PTPN2: variants seen among roughly 807,000 people sequenced by gnomAD.
PTPN2 encodes tyrosine-protein phosphatase non-receptor type 2.
In PTPN2, 19 loss-of-function variants were observed where a neutral mutation model predicts 57.3. That is an observed-to-expected ratio of 0.33 (90% CI 0.23 to 0.49). The LOEUF is 0.49. Ranked by LOEUF, PTPN2 falls within the 20% of genes least tolerant of loss-of-function variation. The pLI is 0.99. For synonymous variants in PTPN2, 153 were observed against 164.9 expected (o/e 0.93, Z 0.55); for missense variants, 358 against 501.1 (o/e 0.71, Z 2.73).
chr18:12,818,438 A>G (rs2042152334), intron 5 of PTPN2, among the ~76,000 whole-genome samples: 1 of 152,184 alleles, frequency 6.6e-6, no homozygotes, highest in African/African-American at 2.4e-5. Context: ...AACATGCTAA[A>G]TGTTTCCTGT....
At position 12,870,396 on chromosome 18, in the gene PTPN2, T is replaced by TGC. The variant is rs1568169238; in HGVS notation, c.70-11143_70-11142insGC. Reference sequence around the variant, plus strand: ...ATACATATATATACGTATATATGTATATATACACGTATATATATGTATATA... The same window carrying TGC: ...ATACATATATATACGTATATATGTATGCATATACACGTATATATATGTATATA... On this transcript the variant is annotated intron_variant, in intron 1 of 8. Transcript: ENST00000309660. 7.2e-5 allele frequency among the ~76,000 whole-genome samples: 6 copies of TGC among 83,668 alleles called. No individual in the cohort carries two copies. In the East Asian group the frequency reaches 2.0e-3, roughly 28 times the overall value. 54.9% of individuals were successfully genotyped at this position (83,668 alleles called of 152,430 possible). A position where few individuals can be genotyped will look rare whatever the true frequency, so the allele number is the denominator to read the frequency against.
intron 8 of PTPN2, among the ~76,000 whole-genome samples, chr18:12,801,591 A>G (rs539059356): frequency 6.6e-6 from 1 of 152,138 alleles, no homozygotes; most frequent in Non-Finnish European, 1.5e-5. Context: ...TTTATGAGAC[A>G]GGGTCTTGCT....
At chr18:12,869,908 T>A (rs2044127988) in intron 1 of PTPN2, among the ~76,000 whole-genome samples, 1 of 152,160 alleles carries the variant, frequency 6.6e-6, no homozygotes, top group Non-Finnish European at 1.5e-5. Flanking sequence ...CACAGTGAAG[T>A]ATGAAGAATC....
Position 12,884,175 on chromosome 18 carries a change from G to C in PTPN2, c.-34C>G, listed in dbSNP as rs764673535. ...GAGCGAGCTGGCGCGAGCAGAGCCTGCGCCGGCGGAGAGGCTCAGGCCCCG... is the reference window on the plus strand; with the variant it reads ...GAGCGAGCTGGCGCGAGCAGAGCCTCCGCCGGCGGAGAGGCTCAGGCCCCG... On this transcript the variant is annotated 5_prime_UTR_variant, in exon 1 of 9. Transcript: ENST00000309660. 1.3e-6 allele frequency: 2 copies of C among 1,550,046 alleles called. No individual in the cohort carries two copies. The highest frequency in any genetic ancestry group is 1.7e-6 in the Non-Finnish European group (2 of 1,148,380).
intron 7 of PTPN2, among the ~76,000 whole-genome samples, chr18:12,811,611 T>C (rs1190720030): frequency 6.6e-6 from 1 of 152,132 alleles, no homozygotes; most frequent in African/African-American, 2.4e-5. Context: ...TTCATGGCTA[T>C]GATCAGCAGA....
At chr18:12,876,828 G>C (rs1335600437) in intron 1 of PTPN2, among the ~76,000 whole-genome samples, 6 of 152,214 alleles carry the variant, frequency 3.9e-5, no homozygotes, top group Admixed American at 3.3e-4. Flanking sequence ...CTGGATCCCA[G>C]ACACTGTTTT....
At chr18:12,805,776 C>T (rs977962325) in intron 7 of PTPN2, among the ~76,000 whole-genome samples, 4 of 151,560 alleles carry the variant, frequency 2.6e-5, no homozygotes, top group African/African-American at 4.9e-5. Context: ...ACTACAGGCG[C>T]GTGCCAGCAT....
At chr18:12,787,572 G>C (rs2040873546), downstream of PTPN2, 1 of 152,144 alleles carries the variant, frequency 6.6e-6, no homozygotes, top group South Asian at 2.1e-4. Context: ...TATAACAACT[G>C]AAGGACGGGG....
intron 7 of PTPN2, among the ~76,000 whole-genome samples, chr18:12,810,873 T>G (rs1001267939): frequency 6.6e-6 from 1 of 152,218 alleles, no homozygotes; most frequent in Non-Finnish European, 1.5e-5. Context: ...AAGAATACTG[T>G]GCCAACAATC....
chr18:12,801,091 T>C (rs912596145), intron 8 of PTPN2, among the ~76,000 whole-genome samples: 1 of 152,272 alleles, frequency 6.6e-6, no homozygotes, highest in African/African-American at 2.4e-5. Context: ...CACCCAATTA[T>C]ATTAACTTTT....
At chr18:12,816,198 G>T (rs2145312389) in intron 6 of PTPN2, among the ~76,000 whole-genome samples, 1 of 152,244 alleles carries the variant, frequency 6.6e-6, no homozygotes, top group Middle Eastern at 3.4e-3. Flanking sequence ...TACTTGGGAG[G>T]CTGAGGTGGG....
chr18:12,809,397 T>A (rs1029788375), intron 7 of PTPN2, among the ~76,000 whole-genome samples: 1 of 152,200 alleles, frequency 6.6e-6, no homozygotes, highest in Non-Finnish European at 1.5e-5. Context: ...GTGACAATTG[T>A]ACATGCCAGA....
chr18:12,796,106 TA>T (rs1185922756), intron 8 of PTPN2, among the ~76,000 whole-genome samples: 1 of 152,142 alleles, frequency 6.6e-6, no homozygotes, highest in Non-Finnish European at 1.5e-5. Context: ...TGGGGCATTC[TA>T]AAAGATATCT....
chr18:12,832,658 C>T (rs1445555564), intron 3 of PTPN2, among the ~76,000 whole-genome samples: 1 of 152,096 alleles, frequency 6.6e-6, no homozygotes, highest in East Asian at 1.9e-4. Flanking sequence ...GAGGAAATCC[C>T]CAGTAAAATG....
downstream of PTPN2, among the ~76,000 whole-genome samples, chr18:12,788,570 G>A (rs1409975126): frequency 6.6e-6 from 1 of 151,648 alleles, no homozygotes; most frequent in Non-Finnish European, 1.5e-5. Context: ...ACCAAGCCAG[G>A]CCTGGTCAGG....
chr18:12,871,995 C>CCGAGAT (rs911575619), intron 1 of PTPN2, among the ~76,000 whole-genome samples: 1 of 151,820 alleles, frequency 6.6e-6, no homozygotes, highest in African/African-American at 2.4e-5. Context: ...TTGCAGTAAG[C>CCGAGAT]CGAGATCGTG....
At position 12,850,016 on chromosome 18, in the gene PTPN2, G is replaced by A. The variant is rs550545535; in HGVS notation, c.160+9148C>T. On this transcript the variant is annotated intron_variant, in intron 2 of 8. Transcript: ENST00000309660. ...CTTTCTTGTTTGATTGATCGTGCTC[G>A]ATCTTGACAGAGTTGATCAGTCTTA... Among the ~76,000 whole-genome samples the A allele has an allele frequency of 8.2e-4, 124 of 152,108 alleles. 1 individual carries two copies. The highest frequency in any genetic ancestry group is 2.9e-3 in the African/African-American group (121 of 41,480).
At chr18:12,876,042 TAC>T (rs2044476346) in intron 1 of PTPN2, among the ~76,000 whole-genome samples, 3 of 152,000 alleles carry the variant, frequency 2.0e-5, no homozygotes, top group Admixed American at 2.0e-4. Context: ...AACCTGTCTC[TAC>T]AAAACATAAA....
chr18:12,821,009 G>A (rs896015638), intron 5 of PTPN2, among the ~76,000 whole-genome samples: 6 of 152,144 alleles, frequency 3.9e-5, no homozygotes, highest in Non-Finnish European at 5.9e-5. Context: ...CCTGTTCACA[G>A]CCTTCAAATG....
Sources: allele counts gnomAD v4.1 joint callset (sites outside exome capture counted in the v4.1 genomes callset), GRCh38; gene constraint gnomAD v4.1.1; transcripts MANE v1.5; gene names NCBI Gene and HGNC (gene_info 2026-07-23, HGNC 2026-07-21).